LRRC4C: variants seen among roughly 807,000 people sequenced by gnomAD.
The protein encoded by LRRC4C is leucine-rich repeat-containing protein 4C.
A neutral mutation model predicts 33.6 loss-of-function variants in LRRC4C; 5 were observed. That is an observed-to-expected ratio of 0.15 (90% CI 0.08 to 0.31). The LOEUF is 0.31. LRRC4C is among the 10% of genes least tolerant of loss of function. The probability of loss-of-function intolerance (pLI) is 1.00; values close to 1 mark genes in which losing one functional copy is unlikely to be tolerated. For missense variants in LRRC4C, 560 were observed against 796.7 expected (o/e 0.70, Z 3.58); for synonymous variants, 329 against 302.0 (o/e 1.09, Z -0.93).
intron 1 of LRRC4C, among the ~76,000 whole-genome samples, chr11:40,934,315 T>C (rs1466643948): frequency 6.6e-6 from 1 of 152,184 alleles, no homozygotes; most frequent in East Asian, 1.9e-4. Context: ...TTGTTTGTCA[T>C]ATTTTATGAG....
intron 2 of LRRC4C, among the ~76,000 whole-genome samples, chr11:40,796,112 T>G (rs998636416): frequency 2.0e-5 from 3 of 152,186 alleles, no homozygotes; most frequent in Admixed American, 1.3e-4. Context: ...ACCCAGGTTT[T>G]GGGGATTTAT....
intron 1 of LRRC4C, among the ~76,000 whole-genome samples, chr11:41,246,970 C>T (rs757256811): frequency 7.9e-5 from 12 of 152,214 alleles, no homozygotes; most frequent in Admixed American, 1.3e-4. Flanking sequence ...GAAAATGCCA[C>T]TTACTGCAAA....
intron 2 of LRRC4C, among the ~76,000 whole-genome samples, chr11:40,670,157 A>T (rs1478511686): frequency 6.6e-6 from 1 of 152,230 alleles, no homozygotes; most frequent in Non-Finnish European, 1.5e-5. Context: ...TGTACATCTC[A>T]GGAGTGGAGA....
At chr11:40,792,915 C>T (rs57072940) in intron 2 of LRRC4C, among the ~76,000 whole-genome samples, 10,408 of 151,982 alleles carry the variant, frequency 0.068, 430 homozygotes, top group South Asian at 0.12. Context: ...CATGTTCTCA[C>T]TCATAGGTGG....
chr11:40,998,355 G>C (rs1326216019), intron 1 of LRRC4C, among the ~76,000 whole-genome samples: 2 of 151,700 alleles, frequency 1.3e-5, no homozygotes, highest in African/African-American at 4.8e-5. Context: ...AGAGATGTTA[G>C]GATTAAAAAA....
chr11:40,560,660 T>A (rs973336561), intron 3 of LRRC4C, among the ~76,000 whole-genome samples: 2 of 152,216 alleles, frequency 1.3e-5, no homozygotes, highest in Non-Finnish European at 2.9e-5. Flanking sequence ...AAGAGCTGTG[T>A]TTGGGCTCTA....
At chr11:40,898,353 C>CAAA (rs765252333) in intron 2 of LRRC4C, among the ~76,000 whole-genome samples, 1 of 38,374 alleles carries the variant, frequency 2.6e-5, no homozygotes, top group African/African-American at 1.0e-4. Flanking sequence ...AACTCCATCT[C>CAAA]AAAAAAAAAA....
At chr11:40,450,215 T>A (rs908950778) in intron 3 of LRRC4C, among the ~76,000 whole-genome samples, 9 of 152,196 alleles carry the variant, frequency 5.9e-5, no homozygotes, top group Non-Finnish European at 2.9e-5. Context: ...TTTGATTAGT[T>A]AATATATATG....
Position 41,057,982 on chromosome 11 carries a change from C to A in LRRC4C, c.-495-124259G>T, listed in dbSNP as rs75097664. ...TGAGCTGTTCTATCACTCAGTAAGGCTCCCCTTCATCTTGCTCACCCTCTA... is the reference window on the plus strand; with the variant it reads ...TGAGCTGTTCTATCACTCAGTAAGGATCCCCTTCATCTTGCTCACCCTCTA... On this transcript the variant is annotated intron_variant, in intron 1 of 6. Transcript: ENST00000528697. 1.1e-3 allele frequency among the ~76,000 whole-genome samples: 162 copies of A among 152,326 alleles called. 1 individual carries two copies. Among genetic ancestry groups the A allele is most frequent in the Middle Eastern group, 3.4e-3 (1 of 294 alleles).
At chr11:41,030,238 T>C (rs1856635094) in intron 1 of LRRC4C, among the ~76,000 whole-genome samples, 1 of 151,930 alleles carries the variant, frequency 6.6e-6, no homozygotes, top group South Asian at 2.1e-4. Context: ...ACATATTTTC[T>C]ATGCATTTTC....
At chr11:40,493,998 A>G (rs146312070) in intron 3 of LRRC4C, among the ~76,000 whole-genome samples, 9 of 152,274 alleles carry the variant, frequency 5.9e-5, no homozygotes, top group South Asian at 2.1e-4. Context: ...AGGTAGCAGG[A>G]AGATGACATC....
chr11:40,814,069 G>C (rs112168744), intron 2 of LRRC4C, among the ~76,000 whole-genome samples: 1 of 152,052 alleles, frequency 6.6e-6, no homozygotes, highest in African/African-American at 2.4e-5. Context: ...CTCTTCTCAC[G>C]GTTCCACTAG....
chr11:40,173,216 G>A (rs1016168519), intron 5 of LRRC4C, among the ~76,000 whole-genome samples: 1 of 152,128 alleles, frequency 6.6e-6, no homozygotes. Flanking sequence ...CTAGTTTGTG[G>A]CACTTGGCAA....
chr11:40,699,419 A>G (rs374779557), intron 2 of LRRC4C, among the ~76,000 whole-genome samples: 4 of 152,192 alleles, frequency 2.6e-5, no homozygotes, highest in East Asian at 1.9e-4. Context: ...ATTGAAGGCT[A>G]ACCCAGTTTA....
intron 3 of LRRC4C, among the ~76,000 whole-genome samples, chr11:40,432,817 A>G (rs1332408232): frequency 2.0e-5 from 3 of 152,222 alleles, no homozygotes; most frequent in Non-Finnish European, 4.4e-5. Context: ...ACTCCAAACA[A>G]TGACCAACCC....
At chr11:41,339,014 T>G (rs1300518099) in intron 1 of LRRC4C, among the ~76,000 whole-genome samples, 4 of 152,286 alleles carry the variant, frequency 2.6e-5, no homozygotes, top group Middle Eastern at 3.4e-3. Flanking sequence ...CTGAACAAAT[T>G]GGGCTGTTAG....
intron 2 of LRRC4C, among the ~76,000 whole-genome samples, chr11:40,658,106 T>C (rs1302078261): frequency 2.0e-5 from 3 of 152,186 alleles, no homozygotes; most frequent in Non-Finnish European, 4.4e-5. Context: ...AAGAATGTTA[T>C]CTTATAGTAA....
At chr11:41,330,522 C>T (rs1951260834) in intron 1 of LRRC4C, among the ~76,000 whole-genome samples, 1 of 152,182 alleles carries the variant, frequency 6.6e-6, no homozygotes, top group Non-Finnish European at 1.5e-5. Flanking sequence ...TCATTTACCT[C>T]CTTCACCCCT....
rs545717052 is a variant in LRRC4C at position 41,259,735 on chromosome 11, C to T, written c.-496+199696G>A. Among the ~76,000 whole-genome samples the T allele has an allele frequency of 2.6e-5, 4 of 152,124 alleles. No individual in the cohort carries two copies. The East Asian group carries it at 7.7e-4, about 29-fold the overall frequency. ...GTTTCAGACTAGTCTCTAAATCTTACTACTGTGTAGCTGCGAACTATTTAC... is the reference window on the plus strand; with the variant it reads ...GTTTCAGACTAGTCTCTAAATCTTATTACTGTGTAGCTGCGAACTATTTAC... On this transcript the variant is annotated intron_variant, in intron 1 of 6. Coordinates refer to ENST00000528697, the MANE Select transcript of LRRC4C (RefSeq NM_001258419.2).
Sources: allele counts gnomAD v4.1 joint callset (sites outside exome capture counted in the v4.1 genomes callset), GRCh38; gene constraint gnomAD v4.1.1; transcripts MANE v1.5; gene names NCBI Gene and HGNC (gene_info 2026-07-23, HGNC 2026-07-21).